Variants in SYCE1L observed in about 807,000 individuals in gnomAD.
SYCE1L encodes synaptonemal complex central element protein 1 like, also known as synaptonemal complex central element protein 1-like.
SYCE1L carries 51 observed loss-of-function variants against 39.6 expected under a neutral mutation model. The ratio of observed to expected loss-of-function variants is 1.29; its 90% confidence interval spans 1.03 to 1.63. SYCE1L has a LOEUF of 1.63. Among genes scored for constraint, SYCE1L ranks in the 40% most tolerant of loss-of-function variants. The probability of loss-of-function intolerance (pLI) is 0.00; values close to 1 mark genes in which losing one functional copy is unlikely to be tolerated. For missense variants in SYCE1L, 426 were observed against 304.9 expected (o/e 1.40, Z -2.96); for synonymous variants, 147 against 122.4 (o/e 1.20, Z -1.33).
rs117582181 is a variant in SYCE1L at position 77,208,116 on chromosome 16, A to C, written c.122-94A>C. The C allele has an allele frequency of 9.0e-3, 11,298 of 1,260,656 alleles. 49 individuals carry two copies. Among genetic ancestry groups the C allele is most frequent in the Non-Finnish European group, 0.011 (10,311 of 912,968 alleles). The allele number at this position is 1,260,656 out of a possible 1,614,324, so 78.1% of individuals were successfully genotyped here. On this transcript the variant is annotated intron_variant, in intron 2 of 10. Coordinates refer to ENST00000378644, the MANE Select transcript of SYCE1L (RefSeq NM_001129979.3). ...AGCAGGCGCTCAATATATGCCGGTTAATTGATAGCAGCAGACACAGTGCTT... is the reference window on the plus strand; with the variant it reads ...AGCAGGCGCTCAATATATGCCGGTTCATTGATAGCAGCAGACACAGTGCTT...
chr16:77,210,617 G>A (rs2054815883), intron 6 of SYCE1L, among the ~76,000 whole-genome samples: 1 of 152,024 alleles, frequency 6.6e-6, no homozygotes, highest in Non-Finnish European at 1.5e-5. Flanking sequence ...CCAGGGTCTC[G>A]GTGAAGTAAC....
At position 77,212,217 on chromosome 16, in the gene SYCE1L, G is replaced by C. The variant is rs1341277756; in HGVS notation, c.493+18G>C. 2.6e-6 allele frequency: 4 copies of C among 1,545,022 alleles called. No homozygotes were observed. The highest frequency in any genetic ancestry group is 3.5e-6 in the Non-Finnish European group (4 of 1,144,470). On this transcript the variant is annotated intron_variant, in intron 8 of 10. Coordinates refer to ENST00000378644, the MANE Select transcript of SYCE1L (RefSeq NM_001129979.3). The stretch of plus-strand genomic sequence containing the variant: ...CTCGGAGAGTGAGCCTCCCGCGCCA[G>C]GTGGGCGGGGGGAGGGGGATGTGCC...
chr16:77,202,486 A>G (rs2054753139), intron 1 of SYCE1L: 1 of 152,192 alleles, frequency 6.6e-6, no homozygotes, highest in South Asian at 2.1e-4. Context: ...AGATTTATTT[A>G]TTACCCACTC....
At chr16:77,208,949 C>T (rs922875413) in intron 4 of SYCE1L, 148 bp from the exon 5 acceptor site, 1 of 829,116 alleles carries the variant, frequency 1.2e-6, no homozygotes, top group African/African-American at 1.7e-5. Flanking sequence ...GATGGTCCTT[C>T]TGGGAGATGG....
intron 1 of SYCE1L, among the ~76,000 whole-genome samples, chr16:77,205,957 AAG>A (rs2054783076): frequency 1.3e-5 from 2 of 152,176 alleles, no homozygotes; most frequent in Admixed American, 1.3e-4. Flanking sequence ...TAAAAAGAAA[AAG>A]AGAGAGGCTC....
intron 2 of SYCE1L, among the ~76,000 whole-genome samples, chr16:77,207,093 G>A (rs1198692876): frequency 1.3e-5 from 2 of 152,230 alleles, no homozygotes; most frequent in East Asian, 3.9e-4. Flanking sequence ...TGCTGCCTAC[G>A]GTAAAATTAG....
At chr16:77,206,031 C>G (rs1435288680) in intron 1 of SYCE1L, among the ~76,000 whole-genome samples, 1 of 152,172 alleles carries the variant, frequency 6.6e-6, no homozygotes, top group Non-Finnish European at 1.5e-5. Context: ...CTAGATCTAT[C>G]AGTTCATTAA....
Position 77,206,451 on chromosome 16 carries a change from G to C in SYCE1L, c.72G>C (p.Lys24Asn). 1 of 1,551,620 alleles carries C rather than the reference G, an allele frequency of 6.4e-7. No homozygotes were observed. Among genetic ancestry groups the C allele is most frequent in the Non-Finnish European group, 8.7e-7 (1 of 1,146,988 alleles). The change falls in exon 2 of 11, where the codon AAG becomes AAC. Residue 24 changes from lysine to asparagine, a missense_variant. Lys to Asn is a moderately conservative substitution (Grantham distance 94). Coordinates refer to ENST00000378644, the MANE Select transcript of SYCE1L (RefSeq NM_001129979.3). The part of the protein sequence containing the change: ...EATEEAEGQA[K>N]SLKTEDLLAM... ...TTTTCCTTTCTACAGGGCAAGCCAA[G>C]TCTTTGAAGACTGAAGACTTGCTGG...
In SYCE1L at chr16:77,212,917, C is replaced by A; in HGVS notation, c.715C>A (p.Pro239Thr). 1 of 1,530,516 alleles carries A rather than the reference C, an allele frequency of 6.5e-7. No individual in the cohort carries two copies. The highest frequency in any genetic ancestry group is 1.2e-5 in the South Asian group (1 of 82,798). 94.8% of individuals were successfully genotyped at this position (1,530,516 alleles called of 1,614,324 possible). A position where few individuals can be genotyped will look rare whatever the true frequency, so the allele number is the denominator to read the frequency against. The change falls in exon 11 of 11, where the codon CCT (proline) becomes ACT (threonine). Residue 239 changes from proline to threonine, a missense_variant. Pro to Thr is a conservative substitution (Grantham distance 38). Transcript: ENST00000378644. Reference sequence around the variant, plus strand: ...GGATCCCGAGCCGCCGGTGGCTGCCCCTGACGCCCTCTAGGCCAGCAGGAC... The same window carrying A: ...GGATCCCGAGCCGCCGGTGGCTGCCACTGACGCCCTCTAGGCCAGCAGGAC... Reference protein sequence around the residue: ...EEDPEPPVAAPDAL With the variant: ...EEDPEPPVAATDAL
intron 4 of SYCE1L, 41 bp downstream of exon 4, chr16:77,208,580 G>T: frequency 6.5e-7 from 1 of 1,544,174 alleles, no homozygotes; most frequent in Non-Finnish European, 8.8e-7. Context: ...CACTGCAGAT[G>T]TTCCTGTGCA....
intron 1 of SYCE1L, among the ~76,000 whole-genome samples, chr16:77,205,043 TCA>T (rs1567425193): frequency 1.5e-4 from 7 of 45,316 alleles, no homozygotes; most frequent in Non-Finnish European, 2.1e-4. Context: ...AGACTCCATC[TCA>T]AAAAAAAAAA....
chr16:77,211,898 A>T (rs956566930), intron 7 of SYCE1L, among the ~76,000 whole-genome samples: 1 of 151,082 alleles, frequency 6.6e-6, no homozygotes, highest in Middle Eastern at 3.4e-3. Flanking sequence ...ATGGAGGATG[A>T]GGAGAGTGGG....
In SYCE1L at chr16:77,206,624, A is replaced by G. The variant is rs2054787597; in HGVS notation, c.121+124A>G. On this transcript the variant is annotated intron_variant, in intron 2 of 10. Transcript: ENST00000378644. The stretch of plus-strand genomic sequence containing the variant: ...TCCCATTGCACTTTCTCCCTCTTAT[A>G]CAGTTTAATTCTTTGAACCAAGAAT... The G allele has an allele frequency of 3.2e-6, 3 of 926,794 alleles. No homozygotes were observed. In the South Asian group the frequency reaches 4.8e-5, roughly 15 times the overall value. The allele number at this position is 926,794 out of a possible 1,614,324, so 57.4% of individuals were successfully genotyped here.
chr16:77,205,093 G>A (rs1397595608), intron 1 of SYCE1L, among the ~76,000 whole-genome samples: 1 of 150,860 alleles, frequency 6.6e-6, no homozygotes, highest in African/African-American at 2.4e-5. Context: ...AGGTATGTTT[G>A]TATATACATT....
Position 77,204,130 on chromosome 16 carries a change from C to A in SYCE1L, c.62-2311C>A, listed in dbSNP as rs541020437. On this transcript the variant is annotated intron_variant, in intron 1 of 10. Coordinates refer to ENST00000378644, the MANE Select transcript of SYCE1L (RefSeq NM_001129979.3). ...GCCTGGTAAGAGTATGATTTTGGGG[C>A]CTGAGACAGGTGAAAGGCAATTTCC... Among the ~76,000 whole-genome samples, 12 of 151,996 alleles carry A rather than the reference C, an allele frequency of 7.9e-5. No individual in the cohort carries two copies. The South Asian group carries it at 1.0e-3, about 13-fold the overall frequency.
chr16:77,201,268 T>G (rs2054739579), intron 1 of SYCE1L: 1 of 152,176 alleles, frequency 6.6e-6, no homozygotes, highest in African/African-American at 2.4e-5. Flanking sequence ...ATAAGACAGA[T>G]GCAAATAGAT....
At chr16:77,210,346 G>T (rs1274308370) in intron 6 of SYCE1L, among the ~76,000 whole-genome samples, 2 of 152,114 alleles carry the variant, frequency 1.3e-5, no homozygotes, top group African/African-American at 4.8e-5. Context: ...GACATCTTCT[G>T]AACTTTTACC....
intron 6 of SYCE1L, among the ~76,000 whole-genome samples, chr16:77,210,231 G>T (rs1173781839): frequency 1.3e-5 from 2 of 152,156 alleles, no homozygotes; most frequent in Non-Finnish European, 1.5e-5. Flanking sequence ...TAGAGATGGG[G>T]TTTCTCCATG....
intron 7 of SYCE1L, among the ~76,000 whole-genome samples, chr16:77,211,787 G>C (rs765516967): frequency 6.6e-6 from 1 of 152,290 alleles, no homozygotes; most frequent in East Asian, 1.9e-4. Context: ...TCAACGCAGA[G>C]GTGAAGGAAG....
Sources: gnomAD v4.1 joint callset for allele counts (sites outside exome capture counted in the v4.1 genomes callset) on GRCh38, gnomAD v4.1.1 for gene constraint, MANE v1.5 for transcripts, NCBI Gene and HGNC (gene_info 2026-07-23, HGNC 2026-07-21) for gene names.